Variants in FGF1 observed in about 807,000 individuals in gnomAD.
FGF1 encodes the protein fibroblast growth factor 1.
In FGF1, 9 loss-of-function variants were observed where a neutral mutation model predicts 13.4. The observed-to-expected ratio is 0.67, with a 90% CI of 0.40 to 1.17. The LOEUF (loss-of-function observed/expected upper bound fraction) is 1.17. Ranked by LOEUF, FGF1 falls within the 50% of genes most tolerant of loss-of-function variation. The probability of loss-of-function intolerance (pLI) is 0.01; values close to 1 mark genes in which losing one functional copy is unlikely to be tolerated. For missense variants in FGF1, 156 were observed against 192.7 expected (o/e 0.81, Z 1.13); for synonymous variants, 93 against 79.0 (o/e 1.18, Z -0.94).
At chr5:142,633,148 T>A (rs1048693882) in intron 1 of FGF1, among the ~76,000 whole-genome samples, 8 of 152,140 alleles carry the variant, frequency 5.3e-5, no homozygotes, top group Non-Finnish European at 8.8e-5. Context: ...CTCAATCTCT[T>A]GACCTCGTGA....
At chr5:142,653,232 C>T (rs1767566285) in intron 1 of FGF1, among the ~76,000 whole-genome samples, 1 of 152,226 alleles carries the variant, frequency 6.6e-6, no homozygotes, top group South Asian at 2.1e-4. Flanking sequence ...CAGGGTCCTC[C>T]TCCACCAGCT....
At chr5:142,660,534 C>T (rs375396965) in intron 1 of FGF1, among the ~76,000 whole-genome samples, 2 of 152,186 alleles carry the variant, frequency 1.3e-5, no homozygotes, top group African/African-American at 2.4e-5. Context: ...CTCTGGCTCT[C>T]GTCTCAGCAT....
At chr5:142,696,310 A>G (rs1000820698) in intron 2 of FGF1, among the ~76,000 whole-genome samples, 1 of 152,206 alleles carries the variant, frequency 6.6e-6, no homozygotes, top group Non-Finnish European at 1.5e-5. Flanking sequence ...TAGAGTGGCA[A>G]CCATTGACTT....
In FGF1 at chr5:142,595,362, G is replaced by A; in HGVS notation, c.396C>T (p.Cys132=). The part of the protein sequence containing the change: ...WFVGLKKNGS[C]KRGPRTHYGQ... ...CATAGTGAGTCCGAGGACCGCGTTT[G>A]CAGCTCCCATTCTTCTTGAGGCCAA... Residue 132 remains cysteine, a synonymous_variant, in exon 4 of 4, where the codon TGC becomes TGT. Coordinates refer to ENST00000337706, the MANE Select transcript of FGF1 (RefSeq NM_000800.5). 6.2e-7 allele frequency: 1 copy of A among 1,614,090 alleles called. No homozygotes were observed. Among genetic ancestry groups the A allele is most frequent in the East Asian group, 2.2e-5 (1 of 44,886 alleles).
chr5:142,593,135 T>C lies in FGF1; in HGVS notation c.*2155A>G, dbSNP rs1161012257. On this transcript the variant is annotated 3_prime_UTR_variant, in exon 4 of 4. Coordinates refer to ENST00000337706, the MANE Select transcript of FGF1 (RefSeq NM_000800.5). The stretch of plus-strand genomic sequence containing the variant: ...AGACTTCCATTTCACAAGTTAGCAA[T>C]GGTATTTAATTTTCCTTGGCCAATG... The C allele has an allele frequency of 6.6e-6, 1 of 152,208 alleles. No homozygotes were observed. Among genetic ancestry groups the C allele is most frequent in the African/African-American group, 2.4e-5 (1 of 41,440 alleles). 9.4% of individuals were successfully genotyped at this position (152,208 alleles called of 1,614,324 possible). A position where few individuals can be genotyped will look rare whatever the true frequency, so the allele number is the denominator to read the frequency against.
chr5:142,697,216 C>T lies in FGF1; in HGVS notation c.-35+406G>A, dbSNP rs73298335. Reference sequence around the variant, plus strand: ...ATTTTTGTTTTTTCCTTTTTGCCAACGACAAAGAATCAGCTGGCATCCTTT... The same window carrying T: ...ATTTTTGTTTTTTCCTTTTTGCCAATGACAAAGAATCAGCTGGCATCCTTT... On this transcript the variant is annotated intron_variant, in intron 2 of 4. Coordinates refer to the FGF1 transcript ENST00000407758. Among the ~76,000 whole-genome samples the T allele has an allele frequency of 7.1e-3, 1,074 of 152,232 alleles. 11 individuals are homozygous for T. The highest frequency in any genetic ancestry group is 0.024 in the African/African-American group (1,017 of 41,528).
intron 1 of FGF1, among the ~76,000 whole-genome samples, chr5:142,653,417 C>T (rs1285753239): frequency 6.6e-6 from 1 of 152,196 alleles, no homozygotes; most frequent in Non-Finnish European, 1.5e-5. Flanking sequence ...AGGCTGTGGT[C>T]CACCAGATGC....
In FGF1 at chr5:142,598,986, T is replaced by C. The variant is rs576165595; in HGVS notation, c.273+1716A>G. On this transcript the variant is annotated intron_variant, in intron 3 of 3. Transcript: ENST00000337706. ...TGAGGGTGAGGGGCTTCTAAGCTGA[T>C]GACTTGTCTTACAGCCACCACTGGT... Among the ~76,000 whole-genome samples, 9 of 152,328 alleles carry C rather than the reference T, an allele frequency of 5.9e-5. No homozygotes were observed. The East Asian group carries it at 1.7e-3, about 29-fold the overall frequency.
At chr5:142,666,331 T>C (rs6881789) in intron 1 of FGF1, among the ~76,000 whole-genome samples, 94,858 of 94,858 alleles carry the variant, frequency 1, 47,429 homozygotes, top group Non-Finnish European at 1. Context: ...ATCTTAGCTT[T>C]TTAAAACTTG....
chr5:142,639,107 A>G (rs549652061), intron 1 of FGF1, among the ~76,000 whole-genome samples: 2 of 152,070 alleles, frequency 1.3e-5, no homozygotes, highest in Non-Finnish European at 2.9e-5. Context: ...GGAAAACAGT[A>G]TAGAGGTTCC....
chr5:142,605,343 A>G (rs1187296570), intron 2 of FGF1, among the ~76,000 whole-genome samples: 1 of 148,442 alleles, frequency 6.7e-6, no homozygotes, highest in Non-Finnish European at 1.5e-5. Flanking sequence ...ATGGTCTTAA[A>G]CTCCTGACTT....
intron 2 of FGF1, among the ~76,000 whole-genome samples, chr5:142,610,511 C>T (rs577113051): frequency 4.6e-5 from 7 of 152,300 alleles, no homozygotes; most frequent in African/African-American, 1.7e-4. Context: ...ACCTGATCTT[C>T]TTCCAGGACC....
chr5:142,630,082 C>T (rs964505903), intron 1 of FGF1, among the ~76,000 whole-genome samples: 5 of 151,846 alleles, frequency 3.3e-5, no homozygotes, highest in East Asian at 1.9e-4. Context: ...TTAGTAGAGA[C>T]GGGGTCTCAC....
At chr5:142,647,476 G>C (rs1157893519) in intron 1 of FGF1, among the ~76,000 whole-genome samples, 2 of 152,132 alleles carry the variant, frequency 1.3e-5, no homozygotes, top group African/African-American at 4.8e-5. Context: ...CACACACAAT[G>C]CACATGTTCA....
At chr5:142,599,455 G>A (rs1486730734) in intron 3 of FGF1, among the ~76,000 whole-genome samples, 1 of 152,144 alleles carries the variant, frequency 6.6e-6, no homozygotes. Flanking sequence ...GCAATTCGAT[G>A]TAAGTTGAAG....
chr5:142,602,269 C>T (rs182844065), intron 2 of FGF1, among the ~76,000 whole-genome samples: 465 of 152,068 alleles, frequency 3.1e-3, no homozygotes, highest in African/African-American at 0.011. Context: ...CTCTGCCTCC[C>T]GGGTTCAAGC....
At chr5:142,666,977 G>A (rs1343620262) in intron 1 of FGF1, among the ~76,000 whole-genome samples, 3 of 150,608 alleles carry the variant, frequency 2.0e-5, no homozygotes, top group Non-Finnish European at 4.4e-5. Flanking sequence ...AAAAAAAAAA[G>A]AAAGAAAGAA....
chr5:142,602,176 C>CT lies in FGF1; in HGVS notation c.170-1372dup, dbSNP rs5871820. Among the ~76,000 whole-genome samples, 538 of 144,954 alleles carry CT rather than the reference C, an allele frequency of 3.7e-3. 3 individuals carry two copies. The highest frequency in any genetic ancestry group is 0.034 in the East Asian group (167 of 4,972). ...CATTGCCTTTTCTTTGTGTTCTTTT[C>CT]TTTTTTTTTTTTTCTTTTGAGACGG... On this transcript the variant is annotated intron_variant, in intron 2 of 3. Transcript: ENST00000337706.
intron 1 of FGF1, among the ~76,000 whole-genome samples, chr5:142,620,413 G>A (rs569730225): frequency 2.2e-4 from 34 of 151,366 alleles, no homozygotes; most frequent in East Asian, 1.8e-3. Flanking sequence ...GCAAGACTCC[G>A]TCTCAAAAAA....
Sources: gnomAD v4.1 joint callset for allele counts (sites outside exome capture counted in the v4.1 genomes callset) on GRCh38, gnomAD v4.1.1 for gene constraint, MANE v1.5 for transcripts, NCBI Gene and HGNC (gene_info 2026-07-23, HGNC 2026-07-21) for gene names.